The following CASR variants were observed in gnomAD, a reference collection of about 807,000 sequenced individuals.
CASR encodes calcium sensing receptor.
Under a neutral mutation model 69.1 loss-of-function variants are expected in CASR, and 23 were observed. The ratio of observed to expected loss-of-function variants is 0.33; its 90% CI spans 0.24 to 0.47. CASR has a LOEUF of 0.47. CASR is among the 20% of genes least tolerant of loss of function. CASR has a pLI of 1.00. For missense variants in CASR, 924 were observed against 1,356.1 expected, an observed-to-expected ratio of 0.68 and a Z score of 5.00; for synonymous variants, 541 against 544.7, an observed-to-expected ratio of 0.99 and a Z score of 0.10.
intron 1 of CASR, among the ~76,000 whole-genome samples, chr3:122,190,348 T>C (rs1343488772): frequency 6.6e-6 from 1 of 152,222 alleles, no homozygotes; most frequent in African/African-American, 2.4e-5. Context: ...GTAAAGTTTA[T>C]ACTCCATGCA....
At position 122,284,665 on chromosome 3, in the gene CASR, G is replaced by C. The variant is rs759541734; in HGVS notation, c.2711G>C (p.Gly904Ala). 1.2e-6 allele frequency: 2 copies of C among 1,613,628 alleles called. No individual in the cohort carries two copies. Among genetic ancestry groups the C allele is most frequent in the Non-Finnish European group, 1.7e-6 (2 of 1,179,664 alleles). ...VSRKRSSSLGGSTGSTPSSSI... is the reference protein window; with the variant it reads ...VSRKRSSSLGASTGSTPSSSI... ...CGCAAGCGGTCCAGCAGCCTTGGAGGCTCCACGGGATCCACCCCCTCCTCC... is the reference window on the plus strand; with the variant it reads ...CGCAAGCGGTCCAGCAGCCTTGGAGCCTCCACGGGATCCACCCCCTCCTCC... The change falls in exon 7 of 7, where the codon GGC (glycine) becomes GCC (alanine). Residue 904 changes from glycine (G) to alanine (A), a missense_variant. Around this residue, in one of 8 missense-constraint regions of CASR, gnomAD observed 201 missense variants for 228.8 expected, o/e 0.88. Transcript: ENST00000639785.
At chr3:122,269,475 G>T (rs1355080294) in intron 4 of CASR, among the ~76,000 whole-genome samples, 1 of 152,208 alleles carries the variant, frequency 6.6e-6, no homozygotes, top group Non-Finnish European at 1.5e-5. Flanking sequence ...AGAAAATCAT[G>T]TGGTTTTTCT....
intron 1 of CASR, among the ~76,000 whole-genome samples, chr3:122,249,953 C>T (rs35339595): frequency 4.8e-4 from 73 of 152,362 alleles, no homozygotes; most frequent in Admixed American, 8.5e-4. Flanking sequence ...ATGGCACCAT[C>T]ATTTCCTAGG....
chr3:122,231,716 T>G (rs2074280054), intron 1 of CASR, among the ~76,000 whole-genome samples: 1 of 151,120 alleles, frequency 6.6e-6, no homozygotes, highest in Admixed American at 6.6e-5. Flanking sequence ...GCCACAATTT[T>G]CATCAGCATC....
chr3:122,254,680 A>G (rs1283125160), intron 2 of CASR, among the ~76,000 whole-genome samples: 1 of 152,218 alleles, frequency 6.6e-6, no homozygotes, highest in Admixed American at 6.5e-5. Flanking sequence ...TGGAAGACTA[A>G]GTACCTAGAA....
At chr3:122,282,335 GCA>G (rs1351978414) in intron 6 of CASR, 99 bp downstream of exon 6, 39 of 1,196,556 alleles carry the variant, frequency 3.3e-5, no homozygotes, top group Non-Finnish European at 4.7e-5. Context: ...ATGGTGCTTT[GCA>G]CAGTTTCTCA....
At chr3:122,265,655 G>A (rs1208988388) in intron 4 of CASR, among the ~76,000 whole-genome samples, 1 of 152,162 alleles carries the variant, frequency 6.6e-6, no homozygotes, top group Non-Finnish European at 1.5e-5. Context: ...CAATCACTGT[G>A]GCCAAGGTAT....
chr3:122,257,045 A>G (rs780231725), intron 2 of CASR, 36 bp from the exon 3 acceptor site: 1 of 1,593,606 alleles, frequency 6.3e-7, no homozygotes, highest in Non-Finnish European at 8.6e-7. Flanking sequence ...TTGACTAGAA[A>G]GCTTCCCATT....
chr3:122,284,732 G>C lies in CASR; in HGVS notation c.2778G>C (p.Gln926His). 6.2e-7 allele frequency: 1 copy of C among 1,614,152 alleles called. No individual in the cohort carries two copies. Among genetic ancestry groups the C allele is most frequent in the Non-Finnish European group, 8.5e-7 (1 of 1,180,008 alleles). The change falls in exon 7 of 7, where the codon CAG (glutamine) becomes CAC (histidine). Residue 926 changes from glutamine (Q) to histidine (H), a missense_variant. Gln to His is a conservative substitution (Grantham distance 24). Transcript: ENST00000639785. ...SKSNSEDPFP[Q>H]PERQKQQQPL... ...GCAACAGCGAAGACCCATTCCCACA[G>C]CCCGAGAGGCAGAAGCAGCAGCAGC...
chr3:122,271,466 A>G lies in CASR; in HGVS notation c.1378-4346A>G, dbSNP rs535148084. 7.3e-4 allele frequency among the ~76,000 whole-genome samples: 111 copies of G among 152,178 alleles called. 2 individuals are homozygous for G. The highest frequency in any genetic ancestry group is 7.5e-4 in the Non-Finnish European group (51 of 67,998). ...TGGACTTGCCATGTCTCATTACTCAACTCGCTACACCAAGTATCCTAGAGG... is the reference window on the plus strand; with the variant it reads ...TGGACTTGCCATGTCTCATTACTCAGCTCGCTACACCAAGTATCCTAGAGG... On this transcript the variant is annotated intron_variant, in intron 4 of 6. Coordinates refer to ENST00000639785, the MANE Select transcript of CASR (RefSeq NM_000388.4).
chr3:122,271,669 TCA>T lies in CASR; in HGVS notation c.1378-4140_1378-4139del, dbSNP rs1201653889. 3.3e-5 allele frequency among the ~76,000 whole-genome samples: 5 copies of T among 152,330 alleles called. No individual in the cohort carries two copies. The East Asian group carries it at 9.6e-4, about 29-fold the overall frequency. On this transcript the variant is annotated intron_variant, in intron 4 of 6. Coordinates refer to ENST00000639785, the MANE Select transcript of CASR (RefSeq NM_000388.4). ...TACAATTAAGTGGCTTTTAATACATTCACAGTTATGCAACCATAACCACAGTC... is the reference window on the plus strand; with the variant it reads ...TACAATTAAGTGGCTTTTAATACATTCAGTTATGCAACCATAACCACAGTC...
chr3:122,201,904 G>A (rs1316461444), intron 1 of CASR, among the ~76,000 whole-genome samples: 2 of 151,292 alleles, frequency 1.3e-5, no homozygotes, highest in South Asian at 2.1e-4. Flanking sequence ...ATGGGATGGC[G>A]GCCGGGCAGA....
intron 4 of CASR, among the ~76,000 whole-genome samples, chr3:122,273,453 G>C (rs2074781594): frequency 6.6e-6 from 1 of 152,138 alleles, no homozygotes; most frequent in South Asian, 2.1e-4. Context: ...CTGGCACATA[G>C]GAAGTACAAA....
intron 1 of CASR, among the ~76,000 whole-genome samples, chr3:122,221,012 C>A (rs2074164509): frequency 6.6e-6 from 1 of 152,126 alleles, no homozygotes; most frequent in African/African-American, 2.4e-5. Flanking sequence ...TTATGTCTGA[C>A]CACTTCATCT....
chr3:122,234,840 C>A (rs982718557), intron 1 of CASR, among the ~76,000 whole-genome samples: 7 of 152,230 alleles, frequency 4.6e-5, no homozygotes, highest in African/African-American at 1.7e-4. Flanking sequence ...TCATTAGCAA[C>A]AGAGAATCTT....
In CASR at chr3:122,285,096, G is replaced by A. The variant is rs758535387; in HGVS notation, c.3142G>A (p.Glu1048Lys). The A allele has an allele frequency of 6.2e-7, 1 of 1,614,208 alleles. No homozygotes were observed. Among genetic ancestry groups the A allele is most frequent in the Non-Finnish European group, 8.5e-7 (1 of 1,180,026 alleles). ...CCAGCGGCCAGAGGTGGAGGACCCT[G>A]AAGAGTTGTCCCCAGCACTTGTAGT... ...GDQRPEVEDP[E>K]ELSPALVVSS... Residue 1048 changes from glutamate (E) to lysine (K), a missense_variant, in exon 7 of 7, where the codon GAA becomes AAA. Around this residue, in one of 8 missense-constraint regions of CASR, gnomAD observed 201 missense variants for 228.8 expected, o/e 0.88. Transcript: ENST00000639785.
intron 1 of CASR, among the ~76,000 whole-genome samples, chr3:122,237,251 A>G (rs760662351): frequency 1.3e-5 from 2 of 151,966 alleles, no homozygotes; most frequent in Non-Finnish European, 2.9e-5. Context: ...CTGGGATTAC[A>G]GGAGTGCACC....
chr3:122,268,750 C>T (rs2074722184), intron 4 of CASR, among the ~76,000 whole-genome samples: 1 of 152,046 alleles, frequency 6.6e-6, no homozygotes, highest in South Asian at 2.1e-4. Context: ...GAAAATGGGA[C>T]AAAAATAACT....
intron 1 of CASR, among the ~76,000 whole-genome samples, chr3:122,218,183 G>A (rs1297973510): frequency 6.6e-6 from 1 of 152,116 alleles, no homozygotes; most frequent in African/African-American, 2.4e-5. Context: ...ACAGCAGGCT[G>A]TGGGAGAGTT....
Sources: allele counts gnomAD v4.1 joint callset (sites outside exome capture counted in the v4.1 genomes callset), GRCh38; gene constraint gnomAD v4.1.1; regional missense constraint gnomAD v4.1.1; transcripts MANE v1.5; gene names NCBI Gene and HGNC (gene_info 2026-07-23, HGNC 2026-07-21).